The following PPP2R5C variants were observed in gnomAD, a reference collection of about 807,000 sequenced individuals.
The protein encoded by PPP2R5C is protein phosphatase 2 regulatory subunit B'gamma.
Under a neutral mutation model 68.9 loss-of-function variants are expected in PPP2R5C, and 7 were observed. The observed-to-expected ratio is 0.10, with a 90% CI of 0.06 to 0.19. The LOEUF is 0.19. Ranked by LOEUF, PPP2R5C falls within the 10% of genes least tolerant of loss-of-function variation. PPP2R5C has a pLI of 1.00. For synonymous variants in PPP2R5C, 210 were observed against 222.2 expected, an observed-to-expected ratio of 0.95 and a Z score of 0.49; for missense variants, 348 against 641.3, an observed-to-expected ratio of 0.54 and a Z score of 4.94.
chr14:101,773,477 TATTC>T (rs1283265534), intron 2 of PPP2R5C, among the ~76,000 whole-genome samples: 2 of 152,014 alleles, frequency 1.3e-5, no homozygotes, highest in African/African-American at 4.8e-5. Context: ...TAGGGCAAGA[TATTC>T]ATTCAGCCAG....
intron 2 of PPP2R5C, among the ~76,000 whole-genome samples, chr14:101,872,929 T>C (rs921570799): frequency 5.3e-5 from 8 of 152,038 alleles, no homozygotes; most frequent in Non-Finnish European, 1.2e-4. Flanking sequence ...CTTAATTCTT[T>C]TTTTTTTTTC....
chr14:101,909,332 G>A (rs913335792), intron 10 of PPP2R5C, among the ~76,000 whole-genome samples: 4 of 152,184 alleles, frequency 2.6e-5, no homozygotes, highest in Non-Finnish European at 4.4e-5. Context: ...TTCTGAGCAA[G>A]GTCGTTTTTG....
chr14:101,836,509 A>C, intron 1 of PPP2R5C: 2 of 592,142 alleles, frequency 3.4e-6, no homozygotes, highest in Non-Finnish European at 6.1e-6. Context: ...ATCTGCAGAT[A>C]GTTCTTTTTC....
chr14:101,830,868 T>C (rs990620405), intron 1 of PPP2R5C, among the ~76,000 whole-genome samples: 6 of 152,164 alleles, frequency 3.9e-5, no homozygotes, highest in African/African-American at 1.4e-4. Context: ...AAAATGGAAG[T>C]GTCACTAAGC....
intron 2 of PPP2R5C, among the ~76,000 whole-genome samples, chr14:101,870,161 CT>C (rs543510916): frequency 2.9e-5 from 4 of 138,540 alleles, no homozygotes; most frequent in Admixed American, 1.6e-4. Flanking sequence ...TGTAGCTTGT[CT>C]TTTTTTTTGT....
At chr14:101,831,818 T>C (rs1160241172) in intron 1 of PPP2R5C, 1 of 696,174 alleles carries the variant, frequency 1.4e-6, no homozygotes, top group Admixed American at 2.0e-5. Context: ...AGCGTGGTGG[T>C]CCTAGAAGCA....
chr14:101,883,232 G>A, intron 3 of PPP2R5C, 25 bp from the exon 6 acceptor site: 1 of 1,432,372 alleles, frequency 7.0e-7, no homozygotes, highest in South Asian at 1.2e-5. Flanking sequence ...CATGTTATTT[G>A]ACTCATTGTT....
chr14:101,803,227 G>C (rs1370428101), intron 3 of PPP2R5C: 1 of 152,104 alleles, frequency 6.6e-6, no homozygotes, highest in Non-Finnish European at 1.5e-5. Flanking sequence ...AATAAAAATA[G>C]TGCTCGCTTC....
chr14:101,825,211 CGTGTGTGTGTGTGT>C lies in PPP2R5C; in HGVS notation c.94+15200_94+15213del, dbSNP rs10588262. 5.6e-5 allele frequency among the ~76,000 whole-genome samples: 8 copies of C among 143,002 alleles called. No homozygotes were observed. Among genetic ancestry groups the C allele is most frequent in the South Asian group, 2.3e-4 (1 of 4,316 alleles). 93.8% of individuals were successfully genotyped at this position (143,002 alleles called of 152,430 possible). A position where few individuals can be genotyped will look rare whatever the true frequency, so the allele number is the denominator to read the frequency against. On this transcript the variant is annotated intron_variant, in intron 1 of 13. Coordinates refer to ENST00000334743, the Ensembl canonical transcript of PPP2R5C. The surrounding 1 kb of genome is among the most constrained non-coding windows in gnomAD (Gnocchi z 4.0). The stretch of plus-strand genomic sequence containing the variant: ...AGGGATAGGATAAGAGGGTTTTCAG[CGTGTGTGTGTGTGT>C]GTGTGTGTGTGTGTGTGTGTGTGTT...
At chr14:101,815,859 A>G (rs1232235582) in intron 1 of PPP2R5C, among the ~76,000 whole-genome samples, 11 of 152,002 alleles carry the variant, frequency 7.2e-5, no homozygotes, top group Non-Finnish European at 1.3e-4. Context: ...TAGTATAGAC[A>G]GGGTTTCACC....
intron 1 of PPP2R5C, among the ~76,000 whole-genome samples, chr14:101,821,452 GGTGTGTGT>G (rs71116851): frequency 1.3e-3 from 161 of 121,440 alleles, no homozygotes; most frequent in Middle Eastern, 4.5e-3. Context: ...TGGGTGGGTG[GGTGTGTGT>G]GTGTGTGTGT....
rs181666548 is a variant in PPP2R5C, at chr14:101,766,332, C to T, written c.93+3362C>T. 7.9e-5 allele frequency: 12 copies of T among 152,206 alleles called. No homozygotes were observed. The East Asian group carries it at 1.9e-3, about 24-fold the overall frequency. 9.4% of individuals were successfully genotyped at this position (152,206 alleles called of 1,614,324 possible). ...CTTGGGGGTTAGAAAATAAACATGC[C>T]GATTCTTGCTTTGCCATAAATGATG... On this transcript the variant is annotated intron_variant, in intron 2 of 14. Transcript: ENST00000328724.
intron 3 of PPP2R5C, among the ~76,000 whole-genome samples, chr14:101,804,235 G>A (rs2038985783): frequency 6.6e-6 from 1 of 152,200 alleles, no homozygotes; most frequent in African/African-American, 2.4e-5. Context: ...TGCTGGAGAG[G>A]ATGTGGGGAA....
rs369199403 is a variant in PPP2R5C at position 101,890,311 on chromosome 14, T to C, written c.689+15T>C. On this transcript the variant is annotated intron_variant, in intron 6 of 13. Coordinates refer to ENST00000334743, the Ensembl canonical transcript of PPP2R5C. ...ATATTGGGAAGGTAAGCCTCTGTTA[T>C]GGGTAGCAAACGGCTGTAGATGGAA... The C allele has an allele frequency of 1.9e-6, 3 of 1,610,504 alleles. No individual in the cohort carries two copies. Among genetic ancestry groups the C allele is most frequent in the Admixed American group, 3.3e-5 (2 of 59,884 alleles).
intron 8 of PPP2R5C, among the ~76,000 whole-genome samples, chr14:101,898,307 G>A (rs982155251): frequency 5.3e-5 from 8 of 152,024 alleles, no homozygotes; most frequent in African/African-American, 1.2e-4. Flanking sequence ...GCCACATTGC[G>A]TTTACCACAG....
chr14:101,863,090 C>G (rs2042852655), intron 2 of PPP2R5C, among the ~76,000 whole-genome samples: 1 of 151,832 alleles, frequency 6.6e-6, no homozygotes, highest in Admixed American at 6.6e-5. Flanking sequence ...GGCGGATCAC[C>G]TGAGGTCAGG....
chr14:101,874,954 G>C (rs1166933596), intron 2 of PPP2R5C, among the ~76,000 whole-genome samples: 1 of 152,160 alleles, frequency 6.6e-6, no homozygotes, highest in Non-Finnish European at 1.5e-5. Flanking sequence ...TGGCCAGGCT[G>C]GTCTTGAGCT....
chr14:101,891,559 T>C lies in PPP2R5C; in HGVS notation c.689+1263T>C, dbSNP rs2044920540. Among the ~76,000 whole-genome samples the C allele has an allele frequency of 6.6e-6, 1 of 152,138 alleles. No individual in the cohort carries two copies. The highest frequency in any genetic ancestry group is 1.5e-5 in the Non-Finnish European group (1 of 68,020). ...TAGGTTGTTGCAGGGACCGGAGCGC[T>C]GTATGACATGTGTTCCACAGCCCGC... On this transcript the variant is annotated intron_variant, in intron 6 of 13. Coordinates refer to ENST00000334743, the Ensembl canonical transcript of PPP2R5C. The surrounding 1 kb of genome is among the most constrained non-coding windows in gnomAD (Gnocchi z 4.9).
At chr14:101,790,996 C>T (rs1353023272) in intron 3 of PPP2R5C, among the ~76,000 whole-genome samples, 5 of 152,178 alleles carry the variant, frequency 3.3e-5, no homozygotes, top group Non-Finnish European at 7.3e-5. Flanking sequence ...AGGAGAATTG[C>T]TTGAACCTGG....
Sources: allele counts gnomAD v4.1 joint callset (sites outside exome capture counted in the v4.1 genomes callset), GRCh38; gene constraint gnomAD v4.1.1; non-coding constraint Gnocchi (gnomAD v3.1); transcripts MANE v1.5; gene names NCBI Gene and HGNC (gene_info 2026-07-23, HGNC 2026-07-21).